HSDL1: variants seen among roughly 807,000 people sequenced by gnomAD.
The protein encoded by HSDL1 is hydroxysteroid dehydrogenase like 1.
In HSDL1, 29 loss-of-function variants were observed where a neutral mutation model predicts 31.5. The ratio of observed to expected loss-of-function variants is 0.92; its 90% CI spans 0.69 to 1.26. HSDL1 has a LOEUF of 1.26. Ranked by LOEUF, HSDL1 falls within the 50% of genes most tolerant of loss-of-function variation. HSDL1 has a pLI of 0.00. For missense variants in HSDL1, 503 were observed against 416.6 expected (o/e 1.21, Z -1.81); for synonymous variants, 222 against 155.2 (o/e 1.43, Z -3.20).
intron 5 of HSDL1, among the ~76,000 whole-genome samples, chr16:84,126,052 G>A (rs868218805): frequency 1.3e-5 from 2 of 150,084 alleles, no homozygotes; most frequent in East Asian, 2.0e-4. Flanking sequence ...GCAGTGAGCC[G>A]AGATCGCGGC....
chr16:84,124,645 T>G lies in HSDL1; in HGVS notation c.978A>C (p.Leu326Phe). 2 of 1,612,990 alleles carry G rather than the reference T, an allele frequency of 1.2e-6. No homozygotes were observed. Among genetic ancestry groups the G allele is most frequent in the Middle Eastern group, 3.3e-4 (2 of 6,058 alleles). Residue 326 changes from leucine (L) to phenylalanine (F), a missense_variant, in exon 6 of 6, where the codon TTA becomes TTC. Transcript: ENST00000219439. ...CCATCCAGACTCAGGCTGTGCAGGA[T>G]AAGGCTTCCTTACGTAGTGAACGGT... ...ILNRSLRKEALSCTA is the reference protein window; with the variant it reads ...ILNRSLRKEAFSCTA
At chr16:84,131,499 AT>A (rs1567520839) in intron 2 of HSDL1, among the ~76,000 whole-genome samples, 172 bp from the exon 3 acceptor site, 4 of 149,476 alleles carry the variant, frequency 2.7e-5, no homozygotes, top group Non-Finnish European at 5.9e-5. Flanking sequence ...CTATCTATCT[AT>A]CTATCTATCT....
At chr16:84,128,898 G>C (rs1490156529) in intron 5 of HSDL1, among the ~76,000 whole-genome samples, 3 of 151,786 alleles carry the variant, frequency 2.0e-5, no homozygotes, top group Non-Finnish European at 4.4e-5. Flanking sequence ...AGTACAGACA[G>C]GGTTTCACCA....
At chr16:84,135,345 T>C (rs969120563) in intron 2 of HSDL1, among the ~76,000 whole-genome samples, 199 bp downstream of exon 2, 2 of 151,854 alleles carry the variant, frequency 1.3e-5, no homozygotes, top group East Asian at 1.9e-4. Flanking sequence ...TCCAAGCCTA[T>C]AGAGTAAGGC....
chr16:84,126,745 C>A (rs1384102120), intron 5 of HSDL1, among the ~76,000 whole-genome samples: 1 of 152,050 alleles, frequency 6.6e-6, no homozygotes, highest in Non-Finnish European at 1.5e-5. Flanking sequence ...CCCACACACA[C>A]ACACACTCAC....
At chr16:84,128,211 C>T (rs1288408981) in intron 5 of HSDL1, among the ~76,000 whole-genome samples, 4 of 151,610 alleles carry the variant, frequency 2.6e-5, no homozygotes. Context: ...ATCACTTGAA[C>T]CCGAGAGGTG....
chr16:84,125,146 C>T lies in HSDL1; in HGVS notation c.895-418G>A, dbSNP rs545133978. On this transcript the variant is annotated intron_variant, in intron 5 of 5. Transcript: ENST00000219439. ...ACCCACCAATCACAACAAATACCCA[C>T]CAAGCAATCACAACAAATACCCACC... 1.2e-5 allele frequency: 2 copies of T among 170,020 alleles called. 1 individual carries two copies. Among genetic ancestry groups the T allele is most frequent in the African/African-American group, 4.9e-5 (2 of 40,568 alleles). 10.5% of individuals were successfully genotyped at this position (170,020 alleles called of 1,614,324 possible). A position where few individuals can be genotyped will look rare whatever the true frequency, so the allele number is the denominator to read the frequency against.
At chr16:84,131,076 A>T in intron 3 of HSDL1, 26 bp downstream of exon 3, 2 of 1,556,420 alleles carry the variant, frequency 1.3e-6, no homozygotes, top group Non-Finnish European at 1.8e-6. Context: ...CACAGAAAAG[A>T]TTATTTTGAT....
At chr16:84,131,026 A>G (rs2086658974) in intron 3 of HSDL1, 76 bp downstream of exon 3, 1 of 1,159,838 alleles carries the variant, frequency 8.6e-7, no homozygotes, top group Non-Finnish European at 1.3e-6. Flanking sequence ...TAAAAACACC[A>G]CATTAAATTC....
intron 2 of HSDL1, among the ~76,000 whole-genome samples, chr16:84,132,279 G>A (rs775764984): frequency 6.6e-6 from 1 of 152,112 alleles, no homozygotes; most frequent in Non-Finnish European, 1.5e-5. Context: ...GGACAAAGGA[G>A]ATGAAACAGA....
chr16:84,137,270 G>A (rs1353964362), intron 1 of HSDL1, among the ~76,000 whole-genome samples: 1 of 152,208 alleles, frequency 6.6e-6, no homozygotes, highest in Non-Finnish European at 1.5e-5. Context: ...CGGGCCCATG[G>A]AGAAAGGCTC....
intron 1 of HSDL1, chr16:84,139,380 G>C (rs893457591): frequency 2.0e-5 from 3 of 152,328 alleles, no homozygotes; most frequent in African/African-American, 7.2e-5. Context: ...GAGAGCTCGA[G>C]TTGAGGGTGC....
chr16:84,141,016 G>A (rs541330486), intron 1 of HSDL1, among the ~76,000 whole-genome samples: 101 of 151,158 alleles, frequency 6.7e-4, no homozygotes, highest in African/African-American at 2.4e-3. Context: ...GCGTGAACCC[G>A]GAAGGCGGAG....
intron 5 of HSDL1, 27 bp from the exon 6 acceptor site, chr16:84,124,755 A>C (rs771892235): frequency 2.6e-6 from 4 of 1,553,546 alleles, no homozygotes; most frequent in Middle Eastern, 1.7e-4. Context: ...AAAAGGTTGT[A>C]AGGTTAGAAC....
At chr16:84,129,838 A>C in intron 4 of HSDL1, 63 bp from the exon 5 acceptor site, 1 of 1,482,444 alleles carries the variant, frequency 6.7e-7, no homozygotes, top group Non-Finnish European at 9.3e-7. Flanking sequence ...TTCAGGAGAA[A>C]AAAAGACTTG....
intron 5 of HSDL1, among the ~76,000 whole-genome samples, chr16:84,127,005 T>C (rs1167221134): frequency 5.3e-5 from 8 of 152,194 alleles, no homozygotes; most frequent in Non-Finnish European, 1.0e-4. Flanking sequence ...AGTTTATCAA[T>C]GTGAACAAAA....
chr16:84,123,668 T>C lies in HSDL1; in HGVS notation c.*962A>G, dbSNP rs1179820908. ...TTACTATTTCTATCAATAATGCTAC[T>C]GGAATGGAATAATATTACATAGAAA... On this transcript the variant is annotated 3_prime_UTR_variant, in exon 6 of 6. Coordinates refer to ENST00000219439, the MANE Select transcript of HSDL1 (RefSeq NM_031463.5). 1.3e-5 allele frequency: 2 copies of C among 152,760 alleles called. No homozygotes were observed. The highest frequency in any genetic ancestry group is 6.5e-5 in the Admixed American group (1 of 15,304). The allele number at this position is 152,760 out of a possible 1,614,324, so 9.5% of individuals were successfully genotyped here. A position where few individuals can be genotyped will look rare whatever the true frequency, so the allele number is the denominator to read the frequency against.
chr16:84,142,081 C>A (rs903082265), intron 1 of HSDL1, among the ~76,000 whole-genome samples: 1 of 152,166 alleles, frequency 6.6e-6, no homozygotes, highest in Non-Finnish European at 1.5e-5. Flanking sequence ...CATGTACCAC[C>A]AAGCCCAGTT....
At chr16:84,129,846 T>C in intron 4 of HSDL1, 71 bp from the exon 5 acceptor site, 2 of 1,450,342 alleles carry the variant, frequency 1.4e-6, no homozygotes, top group South Asian at 2.5e-5. Context: ...AAAAAAAGAC[T>C]TGCTTATTAT....
Sources: gnomAD v4.1 joint callset for allele counts (sites outside exome capture counted in the v4.1 genomes callset) on GRCh38, gnomAD v4.1.1 for gene constraint, MANE v1.5 for transcripts, NCBI Gene and HGNC (gene_info 2026-07-23, HGNC 2026-07-21) for gene names.